Variants in FRRS1 observed in about 807,000 individuals in gnomAD.
FRRS1 encodes the protein ferric reductase 1.
A neutral mutation model predicts 70.7 loss-of-function variants in FRRS1; 51 were observed. That is an observed-to-expected ratio of 0.72 (90% CI 0.58 to 0.91). FRRS1 has a LOEUF of 0.91. Among genes scored for constraint, FRRS1 ranks in the 40% least tolerant of loss-of-function variants. The pLI, the probability that FRRS1 is intolerant of heterozygous loss-of-function variation, is 0.00. For synonymous variants in FRRS1, 225 were observed against 238.7 expected (o/e 0.94, Z 0.53); for missense variants, 672 against 726.0 (o/e 0.93, Z 0.86).
At chr1:99,748,824 T>A (rs1656420387) in intron 2 of FRRS1, 56 bp from the exon 3 acceptor site, 4 of 1,362,474 alleles carry the variant, frequency 2.9e-6, no homozygotes, top group Non-Finnish European at 4.1e-6. Flanking sequence ...ATATAAAAGC[T>A]TTTACACAAC....
At chr1:99,757,080 CTT>C (rs58835632) in intron 1 of FRRS1, among the ~76,000 whole-genome samples, 1,721 of 141,928 alleles carry the variant, frequency 0.012, 34 homozygotes, top group African/African-American at 0.04. Flanking sequence ...AAAAGGGTCT[CTT>C]TTTTTTTTTT....
intron 15 of FRRS1, among the ~76,000 whole-genome samples, chr1:99,710,269 A>G (rs1406591979): frequency 6.6e-6 from 1 of 152,180 alleles, no homozygotes; most frequent in African/African-American, 2.4e-5. Flanking sequence ...TCCACTCCTA[A>G]TGGTGGCTAT....
intron 9 of FRRS1, among the ~76,000 whole-genome samples, chr1:99,720,739 GATGTATA>G (rs1192566530): frequency 6.6e-6 from 1 of 151,514 alleles, no homozygotes; most frequent in Non-Finnish European, 1.5e-5. Context: ...TCTTCATCAA[GATGTATA>G]ACAATAAAGA....
chr1:99,738,066 T>G lies in FRRS1; in HGVS notation c.759+20A>C. On this transcript the variant is annotated intron_variant, in intron 7 of 16. Transcript: ENST00000646001. ...GTGATTCTCCTTTTGTTACCACTTA[T>G]GTAAGTGAGAGGTACCAACCATCCA... 6.3e-7 allele frequency: 1 copy of G among 1,579,288 alleles called. No homozygotes were observed. Among genetic ancestry groups the G allele is most frequent in the Non-Finnish European group, 8.6e-7 (1 of 1,157,418 alleles).
intron 1 of FRRS1, among the ~76,000 whole-genome samples, chr1:99,753,543 G>A (rs2100992170): frequency 6.6e-6 from 1 of 152,160 alleles, no homozygotes; most frequent in African/African-American, 2.4e-5. Flanking sequence ...TGAGGCGGGT[G>A]GATCACGAGG....
At position 99,708,696 on chromosome 1, in the gene FRRS1, C is replaced by T. The variant is rs1275962439; in HGVS notation, c.*332G>A. On this transcript the variant is annotated 3_prime_UTR_variant, in exon 17 of 17. Coordinates refer to ENST00000646001, the MANE Select transcript of FRRS1 (RefSeq NM_001361041.2). The stretch of plus-strand genomic sequence containing the variant: ...TATCTCTTTATTATCCTAGTGACAT[C>T]TGTTGTGATTTTCCAAATCACTATT... The T allele has an allele frequency of 6.4e-5, 19 of 295,244 alleles. No homozygotes were observed. The highest frequency in any genetic ancestry group is 5.9e-4 in the Admixed American group (10 of 16,984). 18.3% of individuals were successfully genotyped at this position (295,244 alleles called of 1,614,324 possible).
chr1:99,745,460 G>C (rs1656208717), intron 4 of FRRS1, among the ~76,000 whole-genome samples: 1 of 152,122 alleles, frequency 6.6e-6, no homozygotes, highest in South Asian at 2.1e-4. Context: ...GAGGCGGGAG[G>C]ATCAGTTGAG....
Position 99,717,468 on chromosome 1 carries a change from C to G in FRRS1, c.1178G>C (p.Arg393Pro), listed in dbSNP as rs777079853. Residue 393 changes from arginine to proline, a missense_variant, in exon 11 of 17, where the codon CGG becomes CCG. Arg to Pro is a moderately radical substitution (Grantham distance 103, BLOSUM62 -2). Transcript: ENST00000646001. ...TTVSIGVLVA[R>P]FFKPVWSKAF... is the part of the protein sequence containing the mutation. ...TTTTGACCAAACTGGCTTGAAGAACCGGGCAACCAGTACACCTATGCTAAC... is the reference window on the plus strand; with the variant it reads ...TTTTGACCAAACTGGCTTGAAGAACGGGGCAACCAGTACACCTATGCTAAC... 6.2e-7 allele frequency: 1 copy of G among 1,614,086 alleles called. No individual in the cohort carries two copies. Among genetic ancestry groups the G allele is most frequent in the Non-Finnish European group, 8.5e-7 (1 of 1,179,966 alleles).
chr1:99,731,076 C>A (rs962208051), intron 7 of FRRS1, among the ~76,000 whole-genome samples: 1 of 151,826 alleles, frequency 6.6e-6, no homozygotes, highest in Non-Finnish European at 1.5e-5. Context: ...AAGTGATAAT[C>A]AAAAAGCAGA....
At chr1:99,741,695 T>C (rs1173352871) in intron 5 of FRRS1, among the ~76,000 whole-genome samples, 1 of 152,238 alleles carries the variant, frequency 6.6e-6, no homozygotes, top group Non-Finnish European at 1.5e-5. Context: ...GACTTTCATT[T>C]GTATTCTCAT....
rs776338726 is a variant in FRRS1, at chr1:99,740,804, A to C, written c.565T>G (p.Leu189Val). 2.5e-6 allele frequency: 4 copies of C among 1,609,898 alleles called. No homozygotes were observed. In the East Asian group the frequency reaches 8.9e-5, roughly 36 times the overall value. The stretch of plus-strand genomic sequence containing the variant: ...AAATTGTTACTTACTGGTTTGGTTA[A>C]GTGGGAAACGGGAGGTAACGTTGGC... ...PLPTLPPVSH[L>V]TKPFSASDCG... The change falls in exon 6 of 17, where the codon TTA becomes GTA. Residue 189 changes from leucine to valine, a missense_variant. Transcript: ENST00000646001.
At chr1:99,760,807 G>T (rs1004425453) in intron 1 of FRRS1, among the ~76,000 whole-genome samples, 2 of 152,006 alleles carry the variant, frequency 1.3e-5, no homozygotes, top group East Asian at 3.9e-4. Flanking sequence ...CTGCCACCAT[G>T]CCTGGCTAAT....
At position 99,712,497 on chromosome 1, in the gene FRRS1, A is replaced by G. The variant is rs1485886625; in HGVS notation, c.1342T>C (p.Tyr448His). Residue 448 changes from tyrosine to histidine, a missense_variant, in exon 13 of 17, where the codon TAC becomes CAC. Tyr to His is a moderately conservative substitution (Grantham distance 83). Transcript: ENST00000646001. ...GWSRHAGYHPYLGCIVMTLAV... is the reference protein window; with the variant it reads ...GWSRHAGYHPHLGCIVMTLAV... ...AAAGTCATCACTATACAGCCGAGGT[A>G]TGGGTGGTAACCTGCATGCTAAACA... The G allele has an allele frequency of 6.2e-7, 1 of 1,609,244 alleles. No individual in the cohort carries two copies. The highest frequency in any genetic ancestry group is 8.5e-7 in the Non-Finnish European group (1 of 1,178,154).
intron 1 of FRRS1, among the ~76,000 whole-genome samples, chr1:99,753,636 C>T (rs1264214171): frequency 6.6e-6 from 1 of 151,782 alleles, no homozygotes; most frequent in Non-Finnish European, 1.5e-5. Flanking sequence ...CTGGGCATTG[C>T]GGGTGGGCAC....
intron 9 of FRRS1, 132 bp downstream of exon 9, chr1:99,728,360 GC>G (rs1571115721): frequency 1.3e-6 from 1 of 766,680 alleles, no homozygotes; most frequent in East Asian, 2.6e-5. Flanking sequence ...CCAGTTTCTG[GC>G]AAAATTTGAC....
chr1:99,733,896 A>G (rs1655521153), intron 7 of FRRS1, among the ~76,000 whole-genome samples: 3 of 152,220 alleles, frequency 2.0e-5, no homozygotes, highest in Non-Finnish European at 4.4e-5. Context: ...AACAGACTTC[A>G]TGATACAGAA....
At chr1:99,764,632 A>G (rs1233768691) in intron 1 of FRRS1, among the ~76,000 whole-genome samples, 1 of 152,210 alleles carries the variant, frequency 6.6e-6, no homozygotes, top group Non-Finnish European at 1.5e-5. Context: ...ACTTTGAAAT[A>G]TCACAGACCT....
chr1:99,721,849 A>G (rs546238349), intron 9 of FRRS1, among the ~76,000 whole-genome samples: 109 of 151,994 alleles, frequency 7.2e-4, no homozygotes, highest in African/African-American at 2.5e-3. Context: ...CACCTGCCTC[A>G]GCCTCCCAAA....
intron 1 of FRRS1, among the ~76,000 whole-genome samples, chr1:99,766,298 A>G (rs1657349020): frequency 6.6e-6 from 1 of 152,214 alleles, no homozygotes; most frequent in Non-Finnish European, 1.5e-5. Flanking sequence ...AAAAACAAAA[A>G]AAAAACTCCT....
Sources: allele counts gnomAD v4.1 joint callset (sites outside exome capture counted in the v4.1 genomes callset), GRCh38; gene constraint gnomAD v4.1.1; transcripts MANE v1.5; gene names NCBI Gene and HGNC (gene_info 2026-07-23, HGNC 2026-07-21).